PRUNE2: variants seen among roughly 807,000 people sequenced by gnomAD.
The protein encoded by PRUNE2 is protein prune homolog 2.
PRUNE2 carries 164 observed loss-of-function variants against 252.0 expected under a neutral mutation model. That is an observed-to-expected ratio of 0.65 (90% CI 0.57 to 0.74). PRUNE2 has a LOEUF of 0.74. Among genes scored for constraint, PRUNE2 ranks in the 30% least tolerant of loss-of-function variants. The probability of loss-of-function intolerance (pLI) is 0.00; values close to 1 mark genes in which losing one functional copy is unlikely to be tolerated. For synonymous variants in PRUNE2, 1,292 were observed against 1,350.2 expected, an observed-to-expected ratio of 0.96 and a Z score of 0.94; for missense variants, 3,495 against 3,711.0, an observed-to-expected ratio of 0.94 and a Z score of 1.51.
At chr9:76,693,928 G>A (rs2045096819) in intron 9 of PRUNE2, among the ~76,000 whole-genome samples, 2 of 152,294 alleles carry the variant, frequency 1.3e-5, no homozygotes, top group South Asian at 4.1e-4. Context: ...GTGTCACTTT[G>A]CAGGGTCACT....
intron 1 of PRUNE2, among the ~76,000 whole-genome samples, chr9:76,880,721 A>G (rs1236791269): frequency 6.6e-6 from 1 of 152,254 alleles, no homozygotes; most frequent in African/African-American, 2.4e-5. Flanking sequence ...ATCTAGAAGT[A>G]AAAGCAATTG....
At chr9:76,895,121 G>T (rs2062741403) in intron 1 of PRUNE2, among the ~76,000 whole-genome samples, 1 of 152,144 alleles carries the variant, frequency 6.6e-6, no homozygotes, top group African/African-American at 2.4e-5. Flanking sequence ...CAACTGAGGG[G>T]AAGAAATAAT....
chr9:76,823,740 G>T lies in PRUNE2; in HGVS notation c.662-14C>A. On this transcript the variant is annotated splice_polypyrimidine_tract_variant and intron_variant, in intron 5 of 18. Coordinates refer to ENST00000376718, the MANE Select transcript of PRUNE2 (RefSeq NM_015225.3). ...CAATACTTAAACCTGTGGATGACAG[G>T]AAAAAAAAACATTATGTTATACTTG... 1.4e-6 allele frequency: 2 copies of T among 1,441,006 alleles called. No individual in the cohort carries two copies. Among genetic ancestry groups the T allele is most frequent in the Non-Finnish European group, 1.9e-6 (2 of 1,052,090 alleles). 89.3% of individuals were successfully genotyped at this position (1,441,006 alleles called of 1,614,324 possible). A position where few individuals can be genotyped will look rare whatever the true frequency, so the allele number is the denominator to read the frequency against.
chr9:76,715,161 C>T (rs17180962), intron 6 of PRUNE2, among the ~76,000 whole-genome samples: 3,409 of 152,276 alleles, frequency 0.022, 63 homozygotes, highest in East Asian at 0.085. Flanking sequence ...AAGATGTGAA[C>T]GATGCCGTGC....
At chr9:76,649,768 G>A (rs1344757974) in intron 11 of PRUNE2, among the ~76,000 whole-genome samples, 1 of 152,118 alleles carries the variant, frequency 6.6e-6, no homozygotes, top group African/African-American at 2.4e-5. Context: ...AAAGAAAATT[G>A]CTTGAAAGAG....
intron 6 of PRUNE2, among the ~76,000 whole-genome samples, chr9:76,740,615 A>G (rs968175156): frequency 6.6e-6 from 1 of 152,196 alleles, no homozygotes; most frequent in African/African-American, 2.4e-5. Flanking sequence ...TGCTTTCTCA[A>G]TGAAAAAACA....
At chr9:76,795,730 C>T (rs2056033657) in intron 6 of PRUNE2, among the ~76,000 whole-genome samples, 1 of 152,168 alleles carries the variant, frequency 6.6e-6, no homozygotes, top group Admixed American at 6.5e-5. Context: ...GATCCAAATA[C>T]GGTACTTTTA....
chr9:76,653,619 G>A (rs1848214552), intron 10 of PRUNE2, among the ~76,000 whole-genome samples: 1 of 152,042 alleles, frequency 6.6e-6, no homozygotes, highest in Admixed American at 6.5e-5. Flanking sequence ...TGTTGACTTT[G>A]CTCCTATGGA....
intron 7 of PRUNE2, among the ~76,000 whole-genome samples, chr9:76,711,889 AGTC>A (rs2046762993): frequency 1.3e-5 from 2 of 152,202 alleles, no homozygotes. Flanking sequence ...AGGACCCCTC[AGTC>A]CCTTTCACCC....
At chr9:76,629,070 C>T in intron 16 of PRUNE2, 122 bp downstream of exon 16, 1 of 591,846 alleles carries the variant, frequency 1.7e-6, no homozygotes, top group Non-Finnish European at 2.9e-6. Flanking sequence ...TTGCAAACTC[C>T]TGGGCTCAAC....
chr9:76,889,694 G>C (rs147554932), intron 1 of PRUNE2, among the ~76,000 whole-genome samples: 1 of 152,232 alleles, frequency 6.6e-6, no homozygotes, highest in South Asian at 2.1e-4. Context: ...CACATCAGGC[G>C]TCTCACCACA....
At chr9:76,875,797 G>A (rs2061444701) in intron 1 of PRUNE2, among the ~76,000 whole-genome samples, 1 of 152,210 alleles carries the variant, frequency 6.6e-6, no homozygotes. Flanking sequence ...CAACACCCAA[G>A]TCATACCACT....
chr9:76,825,070 A>T (rs1018573344), intron 5 of PRUNE2, among the ~76,000 whole-genome samples: 2 of 151,982 alleles, frequency 1.3e-5, no homozygotes, highest in African/African-American at 2.4e-5. Flanking sequence ...ATGATGCTCC[A>T]CCACCAGCAC....
Position 76,826,703 on chromosome 9 carries a change from C to T in PRUNE2, c.538G>A (p.Glu180Lys), listed in dbSNP as rs754720680. The T allele has an allele frequency of 4.3e-6, 7 of 1,610,190 alleles. No individual in the cohort carries two copies. The highest frequency in any genetic ancestry group is 5.9e-6 in the Non-Finnish European group (7 of 1,177,922). Residue 180 changes from glutamate to lysine, a missense_variant, in exon 5 of 19, where the codon GAA becomes AAA. Transcript: ENST00000376718. ...TGCTTCTCTGAGATCTTCTCTGATT[C>T]CATGGTCATCCACTTGAAAAGAATG... ...GSILFKWMTM[E>K]SEKISEKQEE...
chr9:76,717,138 G>A (rs748829393), intron 6 of PRUNE2, among the ~76,000 whole-genome samples: 1 of 152,206 alleles, frequency 6.6e-6, no homozygotes, highest in Non-Finnish European at 1.5e-5. Flanking sequence ...AGGCAAGTTA[G>A]AGAAACAAAA....
chr9:76,703,205 G>A (rs756766883), intron 9 of PRUNE2, 132 bp downstream of exon 9: 2 of 692,930 alleles, frequency 2.9e-6, no homozygotes, highest in South Asian at 4.9e-5. Flanking sequence ...TACTGATGGT[G>A]TGCCTTGCAT....
chr9:76,901,828 A>G (rs1347927620), intron 1 of PRUNE2, among the ~76,000 whole-genome samples: 1 of 152,224 alleles, frequency 6.6e-6, no homozygotes, highest in African/African-American at 2.4e-5. Context: ...CTGCTGAAGT[A>G]GCAGATGCAT....
chr9:76,632,220 A>C (rs1225831714), intron 15 of PRUNE2, among the ~76,000 whole-genome samples: 1 of 152,244 alleles, frequency 6.6e-6, no homozygotes, highest in Non-Finnish European at 1.5e-5. Context: ...AGAAATCTCC[A>C]AACTGCCAAT....
At chr9:76,861,374 G>T (rs1271520015) in intron 1 of PRUNE2, among the ~76,000 whole-genome samples, 3 of 152,192 alleles carry the variant, frequency 2.0e-5, no homozygotes, top group Non-Finnish European at 4.4e-5. Flanking sequence ...TCCAGGTAAT[G>T]ATGTAATTAT....
Sources: gnomAD v4.1 joint callset for allele counts (sites outside exome capture counted in the v4.1 genomes callset) on GRCh38, gnomAD v4.1.1 for gene constraint, MANE v1.5 for transcripts, NCBI Gene and HGNC (gene_info 2026-07-23, HGNC 2026-07-21) for gene names.